The following SPATC1L variants were observed in gnomAD, a reference collection of about 807,000 sequenced individuals.
The protein encoded by SPATC1L is spermatogenesis and centriole associated 1 like, also known as speriolin-like protein.
A neutral mutation model predicts 21.2 loss-of-function variants in SPATC1L; 20 were observed. The observed-to-expected ratio is 0.94, with a 90% CI of 0.66 to 1.37. The LOEUF (loss-of-function observed/expected upper bound fraction) is 1.37. SPATC1L is among the 40% of genes most tolerant of loss of function. SPATC1L has a pLI of 0.00. For synonymous variants in SPATC1L, 290 were observed against 234.5 expected (o/e 1.24, Z -2.16); for missense variants, 499 against 478.7 (o/e 1.04, Z -0.40).
At chr21:46,163,098 C>T (rs1479068653) in intron 3 of SPATC1L, among the ~76,000 whole-genome samples, 3 of 152,190 alleles carry the variant, frequency 2.0e-5, no homozygotes, top group South Asian at 2.1e-4. Context: ...CATCTTTTCA[C>T]GTGCTTATTG....
intron 3 of SPATC1L, among the ~76,000 whole-genome samples, chr21:46,167,250 A>T (rs1601380121): frequency 6.6e-6 from 1 of 152,204 alleles, no homozygotes; most frequent in Admixed American, 6.5e-5. Flanking sequence ...CAACACACCA[A>T]AACCTACTAT....
intron 2 of SPATC1L, among the ~76,000 whole-genome samples, chr21:46,182,263 C>T (rs2123658058): frequency 6.6e-6 from 1 of 152,314 alleles, no homozygotes; most frequent in Non-Finnish European, 1.5e-5. Flanking sequence ...GAGACACATG[C>T]AGCAGAGCAA....
intron 2 of SPATC1L, among the ~76,000 whole-genome samples, chr21:46,172,051 G>A (rs1294906105): frequency 6.6e-6 from 1 of 151,832 alleles, no homozygotes; most frequent in Non-Finnish European, 1.5e-5. Context: ...CACAGAGCAT[G>A]AGGCAGGAGT....
chr21:46,173,162 C>A (rs921463897), intron 2 of SPATC1L, among the ~76,000 whole-genome samples: 1 of 152,206 alleles, frequency 6.6e-6, no homozygotes, highest in East Asian at 1.9e-4. Context: ...CAGACCTGTT[C>A]TCTGCAGGGT....
At chr21:46,161,890 G>A (rs1233659405) in intron 4 of SPATC1L, 26 bp downstream of exon 4, 2 of 1,599,602 alleles carry the variant, frequency 1.3e-6, no homozygotes, top group Non-Finnish European at 1.7e-6. Context: ...GCACCCTCCT[G>A]GCCGCGCCCT....
At chr21:46,171,932 A>G (rs1296414635) in intron 2 of SPATC1L, among the ~76,000 whole-genome samples, 1 of 124,470 alleles carries the variant, frequency 8.0e-6, no homozygotes, top group Non-Finnish European at 1.7e-5. Flanking sequence ...TACAAAGATA[A>G]CCCCCAGAAA....
At chr21:46,180,812 G>A (rs2079666578) in intron 2 of SPATC1L, among the ~76,000 whole-genome samples, 1 of 152,114 alleles carries the variant, frequency 6.6e-6, no homozygotes, top group Admixed American at 6.5e-5. Context: ...CCCACACCCT[G>A]TGGCGGGGGC....
In SPATC1L at chr21:46,182,811, A is replaced by G. The variant is rs754430859; in HGVS notation, c.6T>C (p.Ala2=). 34 of 1,535,262 alleles carry G rather than the reference A, an allele frequency of 2.2e-5. No individual in the cohort carries two copies. In the South Asian group the frequency reaches 2.5e-4, roughly 11 times the overall value. The stretch of plus-strand genomic sequence containing the variant: ...GCCGGCTCATCAGCTCGCCGCCTTC[A>G]GCCATGGCGGGTGCGTCCCTCCTTG... M[A]EGGELMSRLL... is the part of the protein sequence containing the mutation. The change falls in exon 2 of 5, where the codon GCT becomes GCC. Residue 2 remains alanine (A), a synonymous_variant. Coordinates refer to ENST00000291672, the MANE Select transcript of SPATC1L (RefSeq NM_001142854.2).
At position 46,168,339 on chromosome 21, in the gene SPATC1L, C is replaced by A; in HGVS notation, c.513G>T (p.Gly171=). ...GGTAGTAGCTCCTCCTGGTCCTGTCCCCGGTGGGCAGGCTGCTCTCCGAGA... is the reference window on the plus strand; with the variant it reads ...GGTAGTAGCTCCTCCTGGTCCTGTCACCGGTGGGCAGGCTGCTCTCCGAGA... ...VCFSESSLPT[G]DRTRRSYYLN... The change falls in exon 3 of 5, where the codon GGG becomes GGT. Residue 171 remains glycine (G), a synonymous_variant. Coordinates refer to ENST00000291672, the MANE Select transcript of SPATC1L (RefSeq NM_001142854.2). The A allele has an allele frequency of 3.8e-6, 6 of 1,596,520 alleles. No individual in the cohort carries two copies. Among genetic ancestry groups the A allele is most frequent in the Non-Finnish European group, 5.1e-6 (6 of 1,166,510 alleles).
chr21:46,182,616 C>T lies in SPATC1L; in HGVS notation c.193+8G>A, dbSNP rs761452906. On this transcript the variant is annotated splice_region_variant and intron_variant, in intron 2 of 4. Coordinates refer to ENST00000291672, the MANE Select transcript of SPATC1L (RefSeq NM_001142854.2). ...CTACCAGGCCATCTGAGCTGGGCGGCGCCTCACCTCCGCTCCCGGGGGAGC... is the reference window on the plus strand; with the variant it reads ...CTACCAGGCCATCTGAGCTGGGCGGTGCCTCACCTCCGCTCCCGGGGGAGC... 1.8e-5 allele frequency: 26 copies of T among 1,476,312 alleles called. No individual in the cohort carries two copies. The highest frequency in any genetic ancestry group is 6.6e-5 in the South Asian group (5 of 75,956). 91.5% of individuals were successfully genotyped at this position (1,476,312 alleles called of 1,614,324 possible).
chr21:46,161,366 G>GGC lies in SPATC1L; in HGVS notation c.*11_*12dup, dbSNP rs1473977817. 1 of 1,498,760 alleles carries GGC rather than the reference G, an allele frequency of 6.7e-7. No homozygotes were observed. The highest frequency in any genetic ancestry group is 1.4e-5 in the African/African-American group (1 of 71,478). 92.8% of individuals were successfully genotyped at this position (1,498,760 alleles called of 1,614,324 possible). A position where few individuals can be genotyped will look rare whatever the true frequency, so the allele number is the denominator to read the frequency against. Reference sequence around the variant, plus strand: ...CGCGTTTACTGCAGGCAAGGCGGCGGGCGCGGGGCGGCTCACCAGGCGAAG... The same window carrying GGC: ...CGCGTTTACTGCAGGCAAGGCGGCGGGCGCGCGGGGCGGCTCACCAGGCGAAG... On this transcript the variant is annotated 3_prime_UTR_variant, in exon 5 of 5. Transcript: ENST00000291672.
At position 46,184,445 on chromosome 21, in the gene SPATC1L, T is replaced by C. The variant is rs1186421006; in HGVS notation, c.-1048A>G. Reference sequence around the variant, plus strand: ...CATCTCATCCTCATGGGAAGGGACGTACGGCAGAAAGCACAACCCAGTGGG... The same window carrying C: ...CATCTCATCCTCATGGGAAGGGACGCACGGCAGAAAGCACAACCCAGTGGG... On this transcript the variant is annotated 5_prime_UTR_variant, in exon 1 of 5. Transcript: ENST00000291672. 1 of 163,416 alleles carries C rather than the reference T, an allele frequency of 6.1e-6. No homozygotes were observed. Among genetic ancestry groups the C allele is most frequent in the Non-Finnish European group, 1.3e-5 (1 of 74,186 alleles). The allele number at this position is 163,416 out of a possible 1,614,324, so 10.1% of individuals were successfully genotyped here.
intron 2 of SPATC1L, among the ~76,000 whole-genome samples, chr21:46,170,911 A>G (rs2079583822): frequency 1.5e-5 from 2 of 133,430 alleles, no homozygotes; most frequent in East Asian, 2.2e-4. Context: ...GATGGGGAGG[A>G]GCCTCCTGCT....
intron 2 of SPATC1L, among the ~76,000 whole-genome samples, chr21:46,169,121 A>G (rs1312166272): frequency 6.6e-6 from 1 of 152,278 alleles, no homozygotes; most frequent in African/African-American, 2.4e-5. Flanking sequence ...AACTCTGTAC[A>G]CATGAGCACA....
intron 2 of SPATC1L, among the ~76,000 whole-genome samples, chr21:46,168,866 C>T (rs146604399): frequency 4.7e-4 from 72 of 152,286 alleles, no homozygotes; most frequent in African/African-American, 1.7e-3. Flanking sequence ...CACAGGTGCC[C>T]ATCCTGCCCG....
intron 2 of SPATC1L, among the ~76,000 whole-genome samples, chr21:46,171,118 C>A (rs1488758219): frequency 1.3e-5 from 2 of 152,242 alleles, no homozygotes. Flanking sequence ...GGGGAGGGTC[C>A]ATGCCCACCA....
rs1431910032 is a variant in SPATC1L, at chr21:46,174,335, A to AC, written c.194-5678_194-5677insG. Among the ~76,000 whole-genome samples, 106 of 68,556 alleles carry AC rather than the reference A, an allele frequency of 1.5e-3. 1 individual carries two copies. The highest frequency in any genetic ancestry group is 5.9e-3 in the Middle Eastern group (1 of 170). 45.0% of individuals were successfully genotyped at this position (68,556 alleles called of 152,430 possible). On this transcript the variant is annotated intron_variant, in intron 2 of 4. Coordinates refer to ENST00000291672, the MANE Select transcript of SPATC1L (RefSeq NM_001142854.2). ...GAGACAGAGCAAGACTCTGTCTCAA[A>AC]AAACAAAACAAAAAAAAAAAAAAAA...
intron 2 of SPATC1L, among the ~76,000 whole-genome samples, chr21:46,181,932 A>G (rs1026479731): frequency 6.6e-6 from 1 of 152,218 alleles, no homozygotes; most frequent in African/African-American, 2.4e-5. Flanking sequence ...TTTTTCCCAA[A>G]CCTTTTAGAA....
chr21:46,184,298 C>T, intron 1 of SPATC1L, 58 bp downstream of exon 1: 1 of 154,398 alleles, frequency 6.5e-6, no homozygotes, highest in Non-Finnish European at 1.5e-5. Context: ...TCAGTCAGTG[C>T]GACCGACTTG....
Sources: allele counts gnomAD v4.1 joint callset (sites outside exome capture counted in the v4.1 genomes callset), GRCh38; gene constraint gnomAD v4.1.1; transcripts MANE v1.5; gene names NCBI Gene and HGNC (gene_info 2026-07-23, HGNC 2026-07-21).